Variants in EYA4 observed in about 807,000 individuals in gnomAD.
EYA4 encodes protein phosphatase EYA4.
In EYA4, 31 loss-of-function variants were observed where a neutral mutation model predicts 87.9. The observed-to-expected ratio is 0.35, with a 90% CI of 0.27 to 0.48. The LOEUF (loss-of-function observed/expected upper bound fraction) is 0.48. Ranked by LOEUF, EYA4 falls within the 20% of genes least tolerant of loss-of-function variation. EYA4 has a pLI of 0.99. For missense variants in EYA4, 678 were observed against 761.4 expected (o/e 0.89, Z 1.29); for synonymous variants, 263 against 270.6 (o/e 0.97, Z 0.28).
Position 133,531,078 on chromosome 6 carries a change from C to A in EYA4, c.*2273C>A. 7.1e-7 allele frequency: 1 copy of A among 1,411,762 alleles called. No individual in the cohort carries two copies. The highest frequency in any genetic ancestry group is 9.2e-7 in the Non-Finnish European group (1 of 1,085,496). 87.5% of individuals were successfully genotyped at this position (1,411,762 alleles called of 1,614,324 possible). On this transcript the variant is annotated 3_prime_UTR_variant, in exon 20 of 20. Coordinates refer to ENST00000355286, the MANE Select transcript of EYA4 (RefSeq NM_004100.5). ...TGTAAGTCTTTTCATATCAAACAAG[C>A]AAGGCTTTTTATGCTGCTAAGTCTG...
chr6:133,418,634 A>G (rs765920752), intron 3 of EYA4, among the ~76,000 whole-genome samples: 22 of 152,230 alleles, frequency 1.4e-4, no homozygotes, highest in Non-Finnish European at 3.1e-4. Context: ...CAGTACACAG[A>G]TAAGTTGTAT....
intron 13 of EYA4, among the ~76,000 whole-genome samples, chr6:133,483,634 A>C (rs1182816892): frequency 6.6e-6 from 1 of 151,512 alleles, no homozygotes; most frequent in Non-Finnish European, 1.5e-5. Flanking sequence ...AGATGGTCTC[A>C]TGCCTCACCT....
chr6:133,529,175 A>C lies in EYA4; in HGVS notation c.*370A>C. 2.3e-5 allele frequency: 27 copies of C among 1,174,582 alleles called. No homozygotes were observed. The highest frequency in any genetic ancestry group is 2.9e-5 in the Non-Finnish European group (27 of 938,138). The allele number at this position is 1,174,582 out of a possible 1,614,324, so 72.8% of individuals were successfully genotyped here. A position where few individuals can be genotyped will look rare whatever the true frequency, so the allele number is the denominator to read the frequency against. ...GGTCAACAACATTCCTCAAAATGGG[A>C]GATCTTCTCAGCCCTGAGGTTTGAA... On this transcript the variant is annotated 3_prime_UTR_variant, in exon 20 of 20. Coordinates refer to ENST00000355286, the MANE Select transcript of EYA4 (RefSeq NM_004100.5).
chr6:133,254,570 A>G (rs1333229060), intron 1 of EYA4, among the ~76,000 whole-genome samples: 1 of 152,226 alleles, frequency 6.6e-6, no homozygotes. Flanking sequence ...AAGTCTTCCT[A>G]TGTCCAGAAA....
Position 133,394,282 on chromosome 6 carries a change from GTGTTTTTTTTTT to G in EYA4, c.83+11843_83+11854del, listed in dbSNP as rs1205818981. ...GTTGGAAAAATGTATATATAAGCTT[GTGTTTTTTTTTT>G]TTTTTTTTTTTTTTTTTTTTTTTTG... On this transcript the variant is annotated intron_variant, in intron 3 of 19. Coordinates refer to ENST00000355286, the MANE Select transcript of EYA4 (RefSeq NM_004100.5). Among the ~76,000 whole-genome samples the G allele has an allele frequency of 9.9e-3, 1,070 of 107,796 alleles. 70 individuals are homozygous for G. The highest frequency in any genetic ancestry group is 0.069 in the Admixed American group (672 of 9,744). 70.7% of individuals were successfully genotyped at this position (107,796 alleles called of 152,430 possible). A position where few individuals can be genotyped will look rare whatever the true frequency, so the allele number is the denominator to read the frequency against.
chr6:133,515,009 AG>A (rs1295453121), intron 16 of EYA4, among the ~76,000 whole-genome samples: 1 of 152,216 alleles, frequency 6.6e-6, no homozygotes, highest in Non-Finnish European at 1.5e-5. Flanking sequence ...AGATCCAGGC[AG>A]GGGCATGTTC....
chr6:133,463,613 G>C (rs988530065), intron 9 of EYA4, among the ~76,000 whole-genome samples: 3 of 151,942 alleles, frequency 2.0e-5, no homozygotes, highest in Non-Finnish European at 4.4e-5. Flanking sequence ...CGCCCGCCAC[G>C]GCCTCCCAAA....
intron 2 of EYA4, among the ~76,000 whole-genome samples, chr6:133,308,772 A>T (rs562998195): frequency 6.6e-6 from 1 of 152,310 alleles, no homozygotes; most frequent in East Asian, 1.9e-4. Context: ...ATTGTATCTC[A>T]TGGTATATGT....
At chr6:133,333,890 A>G (rs1179243801) in intron 2 of EYA4, among the ~76,000 whole-genome samples, 3 of 152,206 alleles carry the variant, frequency 2.0e-5, no homozygotes, top group Non-Finnish European at 2.9e-5. Context: ...TAGCTAAGCT[A>G]ATCTTGCCTT....
chr6:133,253,507 A>G (rs948035088), intron 1 of EYA4, among the ~76,000 whole-genome samples: 4 of 151,954 alleles, frequency 2.6e-5, no homozygotes, highest in Non-Finnish European at 5.9e-5. Context: ...ATGTGGTAAG[A>G]CTTACTTATG....
chr6:133,336,339 A>G (rs1156441416), intron 2 of EYA4, among the ~76,000 whole-genome samples: 2 of 152,188 alleles, frequency 1.3e-5, no homozygotes, highest in Non-Finnish European at 2.9e-5. Flanking sequence ...AATTAGTGGT[A>G]CAGCCTGGTA....
chr6:133,429,311 G>A (rs1790970503), intron 3 of EYA4, among the ~76,000 whole-genome samples: 1 of 151,502 alleles, frequency 6.6e-6, no homozygotes, highest in Non-Finnish European at 1.5e-5. Context: ...GTAAAAGGAA[G>A]TGAGACAGTT....
chr6:133,307,264 G>A (rs1306081050), intron 2 of EYA4, among the ~76,000 whole-genome samples: 1 of 152,106 alleles, frequency 6.6e-6, no homozygotes, highest in Non-Finnish European at 1.5e-5. Context: ...GAAATTTTTT[G>A]TGGCCTCCTA....
chr6:133,376,020 T>C (rs1785649367), intron 2 of EYA4, among the ~76,000 whole-genome samples: 1 of 151,844 alleles, frequency 6.6e-6, no homozygotes, highest in African/African-American at 2.4e-5. Context: ...ATATCACTTA[T>C]TCAGTCAGAT....
intron 14 of EYA4, among the ~76,000 whole-genome samples, chr6:133,507,949 A>G (rs1292775719): frequency 6.6e-6 from 1 of 152,104 alleles, no homozygotes; most frequent in Non-Finnish European, 1.5e-5. Context: ...GAGTTGCCAC[A>G]CTGTCTTCCA....
intron 13 of EYA4, among the ~76,000 whole-genome samples, chr6:133,495,268 CA>C (rs541577655): frequency 1.3e-5 from 2 of 148,436 alleles, no homozygotes; most frequent in East Asian, 2.0e-4. Flanking sequence ...GACTCTGTCT[CA>C]AAAAAAAGAA....
chr6:133,331,557 G>C (rs563442890), intron 2 of EYA4, among the ~76,000 whole-genome samples: 1 of 152,084 alleles, frequency 6.6e-6, no homozygotes, highest in Non-Finnish European at 1.5e-5. Context: ...TGGGCACAAG[G>C]CATCATTAAT....
At chr6:133,445,352 ATATTTACATTTATGT>A (rs1420260733) in intron 3 of EYA4, among the ~76,000 whole-genome samples, 9 of 152,102 alleles carry the variant, frequency 5.9e-5, no homozygotes, top group Non-Finnish European at 1.3e-4. Context: ...ATTTACCTAT[ATATTTACATTTATGT>A]TATTCTTAAT....
intron 1 of EYA4, among the ~76,000 whole-genome samples, chr6:133,250,040 A>T (rs1389521369): frequency 6.6e-6 from 1 of 152,158 alleles, no homozygotes. Context: ...GAGAGCAGAG[A>T]TTGTGACACT....
Sources: gnomAD v4.1 joint callset for allele counts (sites outside exome capture counted in the v4.1 genomes callset) on GRCh38, gnomAD v4.1.1 for gene constraint, MANE v1.5 for transcripts, NCBI Gene and HGNC (gene_info 2026-07-23, HGNC 2026-07-21) for gene names.